Variants in LIN52 observed in about 807,000 individuals in gnomAD.
LIN52 encodes lin-52 DREAM MuvB core complex component.
LIN52 carries 4 observed loss-of-function variants against 18.5 expected under a neutral mutation model. That is an observed-to-expected ratio of 0.22 (90% CI 0.11 to 0.49). LIN52 has a LOEUF of 0.49. Ranked by LOEUF, LIN52 falls within the 20% of genes least tolerant of loss-of-function variation. The pLI, the probability that LIN52 is intolerant of heterozygous loss-of-function variation, is 0.97. For missense variants in LIN52, 102 were observed against 139.5 expected, an observed-to-expected ratio of 0.73 and a Z score of 1.35; for synonymous variants, 34 against 45.5, an observed-to-expected ratio of 0.75 and a Z score of 1.02.
chr14:74,102,266 A>G (rs1014849413), intron 5 of LIN52, among the ~76,000 whole-genome samples: 1 of 152,110 alleles, frequency 6.6e-6, no homozygotes, highest in Non-Finnish European at 1.5e-5. Flanking sequence ...TTAATTTAAA[A>G]TTTCTAATTT....
intron 5 of LIN52, among the ~76,000 whole-genome samples, chr14:74,186,243 G>C (rs1286362096): frequency 6.6e-6 from 1 of 152,052 alleles, no homozygotes; most frequent in African/African-American, 2.4e-5. Flanking sequence ...AGTGAGCCAA[G>C]ATGGTGCCAC....
intron 2 of LIN52, among the ~76,000 whole-genome samples, chr14:74,094,264 T>TG (rs2060793170): frequency 6.6e-6 from 1 of 151,870 alleles, no homozygotes; most frequent in East Asian, 1.9e-4. Context: ...TGTAGTTTTT[T>TG]TTTTTTTTTA....
intron 5 of LIN52, among the ~76,000 whole-genome samples, chr14:74,188,305 A>G: frequency 6.6e-6 from 1 of 152,148 alleles, no homozygotes. Flanking sequence ...TTAAATCTCG[A>G]TGCAAGTCAT....
At chr14:74,147,658 A>G (rs966290293) in intron 5 of LIN52, among the ~76,000 whole-genome samples, 1 of 152,248 alleles carries the variant, frequency 6.6e-6, no homozygotes, top group Non-Finnish European at 1.5e-5. Flanking sequence ...AATATTATTC[A>G]GCCTTTACAA....
intron 5 of LIN52, among the ~76,000 whole-genome samples, chr14:74,157,456 TA>T (rs1259303961): frequency 1.6e-3 from 104 of 63,854 alleles, no homozygotes; most frequent in African/African-American, 4.6e-3. Context: ...TATATATATA[TA>T]TATTTTTTAA....
At chr14:74,187,288 T>G (rs777444777) in intron 5 of LIN52, among the ~76,000 whole-genome samples, 18 of 152,126 alleles carry the variant, frequency 1.2e-4, no homozygotes, top group Non-Finnish European at 1.8e-4. Flanking sequence ...ATAAAAACCT[T>G]TTTCAGTGTA....
intron 5 of LIN52, among the ~76,000 whole-genome samples, chr14:74,125,192 T>C (rs1291521706): frequency 6.6e-6 from 1 of 152,194 alleles, no homozygotes; most frequent in Admixed American, 6.5e-5. Flanking sequence ...ATCACCACAC[T>C]GACTTCCACA....
At chr14:74,144,800 T>C (rs2061147157) in intron 5 of LIN52, among the ~76,000 whole-genome samples, 1 of 152,174 alleles carries the variant, frequency 6.6e-6, no homozygotes, top group Non-Finnish European at 1.5e-5. Context: ...AGTAAAGTAT[T>C]CTCCCACTAA....
intron 1 of LIN52, among the ~76,000 whole-genome samples, chr14:74,087,620 C>T (rs2060742763): frequency 6.6e-6 from 1 of 152,024 alleles, no homozygotes; most frequent in South Asian, 2.1e-4. Flanking sequence ...TATCTCATTC[C>T]AAAATATTCC....
At chr14:74,099,708 G>A (rs1420463940) in intron 4 of LIN52, among the ~76,000 whole-genome samples, 4 of 152,038 alleles carry the variant, frequency 2.6e-5, no homozygotes, top group African/African-American at 9.7e-5. Flanking sequence ...TGGGGGGACA[G>A]TGAGTTGCTA....
intron 5 of LIN52, among the ~76,000 whole-genome samples, chr14:74,171,324 C>T (rs553591569): frequency 6.7e-6 from 1 of 149,272 alleles, no homozygotes; most frequent in Non-Finnish European, 1.5e-5. Context: ...ACAATTGTAA[C>T]ACTACACTCC....
chr14:74,103,919 G>T (rs1017326757), intron 5 of LIN52, among the ~76,000 whole-genome samples: 3 of 147,518 alleles, frequency 2.0e-5, no homozygotes, highest in Non-Finnish European at 4.5e-5. Context: ...TTGAGACGGA[G>T]TCTCGCTCTG....
At chr14:74,171,959 C>CT (rs1363109695) in intron 5 of LIN52, among the ~76,000 whole-genome samples, 1 of 152,116 alleles carries the variant, frequency 6.6e-6, no homozygotes, top group African/African-American at 2.4e-5. Context: ...AGGCTGATCT[C>CT]TAACTGACCT....
At chr14:74,145,198 A>G (rs1025186496) in intron 5 of LIN52, among the ~76,000 whole-genome samples, 1 of 152,194 alleles carries the variant, frequency 6.6e-6, no homozygotes, top group Non-Finnish European at 1.5e-5. Flanking sequence ...TAGAACGTTG[A>G]CTAAATGTAT....
chr14:74,112,580 A>G (rs2060936387), intron 5 of LIN52, among the ~76,000 whole-genome samples: 1 of 152,218 alleles, frequency 6.6e-6, no homozygotes, highest in Non-Finnish European at 1.5e-5. Context: ...GTATCAGGCA[A>G]TGCTCTATTA....
intron 5 of LIN52, among the ~76,000 whole-genome samples, chr14:74,155,505 G>A (rs1401560543): frequency 3.9e-5 from 6 of 152,158 alleles, no homozygotes; most frequent in African/African-American, 9.7e-5. Flanking sequence ...CATGAGCGCC[G>A]GATGGATGAA....
At chr14:74,129,093 T>G (rs1342384111) in intron 5 of LIN52, among the ~76,000 whole-genome samples, 3 of 152,122 alleles carry the variant, frequency 2.0e-5, no homozygotes, top group East Asian at 1.9e-4. Flanking sequence ...ATGAGTGAGT[T>G]AGTTTTAGTG....
intron 5 of LIN52, among the ~76,000 whole-genome samples, chr14:74,121,725 CT>C (rs11332437): frequency 0.48 from 68,843 of 142,168 alleles, 16,846 homozygotes; most frequent in East Asian, 0.89. Context: ...CCTTCACTTT[CT>C]TTTTTTTTTT....
At chr14:74,131,549 A>C (rs559913780) in intron 5 of LIN52, among the ~76,000 whole-genome samples, 1 of 152,028 alleles carries the variant, frequency 6.6e-6, no homozygotes, top group African/African-American at 2.4e-5. Flanking sequence ...CGAACTCCTG[A>C]CCTCAGGTGA....
Sources: gnomAD v4.1 joint callset for allele counts (sites outside exome capture counted in the v4.1 genomes callset) on GRCh38, gnomAD v4.1.1 for gene constraint, MANE v1.5 for transcripts, NCBI Gene and HGNC (gene_info 2026-07-23, HGNC 2026-07-21) for gene names.